Variants in POU2AF2 observed in about 807,000 individuals in gnomAD.
The protein encoded by POU2AF2 is POU class 2 homeobox associating factor 2, also known as POU domain class 2-associating factor 2.
the POU2AF2 span, chr11:111,283,961 T>C: frequency 1.8e-5 from 16 of 883,096 alleles, 2 homozygotes; most frequent in African/African-American, 2.2e-4. Context: ...CATGTTAGCG[T>C]TGGAGTCAGG....
chr11:111,269,133 C>T, the POU2AF2 span, among the ~76,000 whole-genome samples: 1 of 152,064 alleles, frequency 6.6e-6, no homozygotes, highest in Non-Finnish European at 1.5e-5. Context: ...CATCTCATAG[C>T]ACAGTGCTTT....
chr11:111,245,939 C>T, the POU2AF2 span: 7 of 397,404 alleles, frequency 1.8e-5, no homozygotes, highest in Admixed American at 4.4e-5. Flanking sequence ...AAAGTCATAA[C>T]ATAAAACAAA....
chr11:111,252,732 T>C, the POU2AF2 span, among the ~76,000 whole-genome samples: 1 of 151,896 alleles, frequency 6.6e-6, no homozygotes, highest in African/African-American at 2.4e-5. Context: ...TCTGTCCTCT[T>C]CAAATATTTT....
the POU2AF2 span, among the ~76,000 whole-genome samples, chr11:111,252,220 C>T: frequency 6.6e-6 from 1 of 152,186 alleles, no homozygotes; most frequent in East Asian, 1.9e-4. Context: ...TCAGCCAGGA[C>T]TGCGTAGATT....
the POU2AF2 span, among the ~76,000 whole-genome samples, chr11:111,260,410 T>C: frequency 0.065 from 9,909 of 152,278 alleles, 458 homozygotes; most frequent in Middle Eastern, 0.17. Context: ...ACGGCAGAAT[T>C]TGTGGTTAAG....
the POU2AF2 span, among the ~76,000 whole-genome samples, chr11:111,282,307 T>C: frequency 6.6e-6 from 1 of 152,230 alleles, no homozygotes; most frequent in Non-Finnish European, 1.5e-5. Context: ...AATTTCATTG[T>C]ATGAAACAGA....
chr11:111,263,782 C>T, the POU2AF2 span, among the ~76,000 whole-genome samples: 2 of 152,106 alleles, frequency 1.3e-5, no homozygotes, highest in African/African-American at 4.8e-5. Context: ...AGAGTTTGGG[C>T]TCTAGATCCA....
At chr11:111,283,167 T>A in the POU2AF2 span, among the ~76,000 whole-genome samples, 422 of 150,390 alleles carry the variant, frequency 2.8e-3, 1 homozygote, top group Non-Finnish European at 4.5e-3. Context: ...GCCTCCTGAG[T>A]AACTGGGACT....
the POU2AF2 span, among the ~76,000 whole-genome samples, chr11:111,267,695 C>T: frequency 6.6e-6 from 1 of 152,178 alleles, no homozygotes; most frequent in Admixed American, 6.5e-5. Flanking sequence ...GATCAATTGA[C>T]CTGCTGTCTC....
chr11:111,279,966 GGGAGGTGGAAGTT>G, the POU2AF2 span, among the ~76,000 whole-genome samples: 1 of 149,688 alleles, frequency 6.7e-6, no homozygotes, highest in Admixed American at 6.7e-5. Flanking sequence ...ACTTGAATCC[GGGAGGTGGAAGTT>G]GCAGTGAGCC....
chr11:111,247,274 C>G, the POU2AF2 span, among the ~76,000 whole-genome samples: 4 of 151,284 alleles, frequency 2.6e-5, no homozygotes, highest in African/African-American at 9.7e-5. Flanking sequence ...GTCTCTGTAT[C>G]TTGGCTATTG....
At chr11:111,281,034 G>A in the POU2AF2 span, among the ~76,000 whole-genome samples, 1 of 152,250 alleles carries the variant, frequency 6.6e-6, no homozygotes, top group East Asian at 1.9e-4. Flanking sequence ...GGGGAGTCTT[G>A]GAACATATCC....
chr11:111,276,779 T>C, the POU2AF2 span, among the ~76,000 whole-genome samples: 7 of 147,554 alleles, frequency 4.7e-5, no homozygotes, highest in Middle Eastern at 7.1e-3. Flanking sequence ...AAAGTTAAAA[T>C]GGTGAATCCA....
At chr11:111,276,437 A>G in the POU2AF2 span, among the ~76,000 whole-genome samples, 1 of 38,090 alleles carries the variant, frequency 2.6e-5, no homozygotes, top group Non-Finnish European at 5.4e-5. Flanking sequence ...CTCTACTAAA[A>G]AGAAAAAAAA....
At chr11:111,284,253 A>G in the POU2AF2 span, 2 of 1,614,196 alleles carry the variant, frequency 1.2e-6, no homozygotes, top group East Asian at 2.2e-5. Context: ...TACTTCCCCC[A>G]GGAGCCCTAC....
the POU2AF2 span, among the ~76,000 whole-genome samples, chr11:111,279,328 G>C: frequency 6.6e-6 from 1 of 152,152 alleles, no homozygotes; most frequent in African/African-American, 2.4e-5. Context: ...CTGTATTGGT[G>C]TCTTAGGGCT....
chr11:111,284,076 G>A, the POU2AF2 span: 2 of 1,608,176 alleles, frequency 1.2e-6, no homozygotes, highest in Non-Finnish European at 1.7e-6. Context: ...TTGGCAACAG[G>A]TTCGCCGGTC....
the POU2AF2 span, among the ~76,000 whole-genome samples, chr11:111,247,189 C>CAGAGAGAGAGAGAGAGAGAGAGAGAGAG: frequency 2.9e-4 from 10 of 34,410 alleles, no homozygotes; most frequent in Non-Finnish European, 6.8e-4. Flanking sequence ...CATACACACA[C>CAGAGAGAGAGAGAGAGAGAGAGAGAGAG]ACAGAGAGAG....
chr11:111,281,436 GC>G, the POU2AF2 span: 12 of 1,613,760 alleles, frequency 7.4e-6, no homozygotes, highest in East Asian at 2.7e-4. Context: ...TTGTGCAGAT[GC>G]CAGGTGAGTA....
Sources: allele counts gnomAD v4.1 joint callset (sites outside exome capture counted in the v4.1 genomes callset), GRCh38; gene constraint gnomAD v4.1.1; transcripts MANE v1.5; gene names NCBI Gene and HGNC (gene_info 2026-07-23, HGNC 2026-07-21).